Variants in GFI1B observed in about 807,000 individuals in gnomAD.
The protein encoded by GFI1B is zinc finger protein Gfi-1b.
GFI1B carries 20 observed loss-of-function variants against 35.3 expected under a neutral mutation model. The observed-to-expected ratio is 0.57, with a 90% CI of 0.40 to 0.82. The LOEUF (loss-of-function observed/expected upper bound fraction) is 0.82. GFI1B is among the 40% of genes least tolerant of loss of function. The pLI is 0.00. For synonymous variants in GFI1B, 178 were observed against 177.6 expected, an observed-to-expected ratio of 1.00 and a Z score of -0.02; for missense variants, 430 against 446.3, an observed-to-expected ratio of 0.96 and a Z score of 0.33.
rs2073578 is a variant in GFI1B at position 132,987,205 on chromosome 9, A to T, written c.101-77A>T. ...CTCTCTGGGCCTCCTCCTCCTAGGA[A>T]GGGCGTGCCCTCCTTGCTCCCTCTG... On this transcript the variant is annotated intron_variant, in intron 2 of 6. Transcript: ENST00000372122. 28 of 1,467,850 alleles carry T rather than the reference A, an allele frequency of 1.9e-5. 1 individual carries two copies. Among genetic ancestry groups the T allele is most frequent in the East Asian group, 2.4e-5 (1 of 42,346 alleles). 90.9% of individuals were successfully genotyped at this position (1,467,850 alleles called of 1,614,324 possible).
intron 1 of GFI1B, among the ~76,000 whole-genome samples, chr9:132,957,223 A>C (rs146451641): frequency 3.2e-4 from 48 of 152,344 alleles, no homozygotes; most frequent in African/African-American, 1.1e-3. Flanking sequence ...TTAGCACACA[A>C]ACGTGCATGG....
chr9:132,949,342 T>TACACAC (rs367698473), intron 1 of GFI1B, among the ~76,000 whole-genome samples: 68 of 110,560 alleles, frequency 6.2e-4, no homozygotes, highest in African/African-American at 1.2e-3. Context: ...CACACACACA[T>TACACAC]ACACACACAC....
intron 1 of GFI1B, among the ~76,000 whole-genome samples, chr9:132,979,865 C>T (rs973407260): frequency 1.3e-5 from 2 of 152,138 alleles, no homozygotes; most frequent in African/African-American, 4.8e-5. Flanking sequence ...AGAGCTTTCA[C>T]GAGTTCTTAG....
Position 132,981,254 on chromosome 9 carries a change from T to C in GFI1B, c.-21+2413T>C, listed in dbSNP as rs548381999. Among the ~76,000 whole-genome samples, 43 of 152,296 alleles carry C rather than the reference T, an allele frequency of 2.8e-4. No homozygotes were observed. The East Asian group carries it at 6.0e-3, about 21-fold the overall frequency. ...CATGAAACCTGGGTTGCTTCCACTT[T>C]TTGCCTATTGTGAATAGTGCTGCTA... On this transcript the variant is annotated intron_variant, in intron 1 of 6. Coordinates refer to ENST00000372122, the MANE Select transcript of GFI1B (RefSeq NM_001377304.1).
At chr9:132,992,997 TA>T (rs35365824), downstream of GFI1B, among the ~76,000 whole-genome samples, 5 of 149,968 alleles carry the variant, frequency 3.3e-5, no homozygotes, top group African/African-American at 4.9e-5. Context: ...AGGTCAAACA[TA>T]AAAAAAAAAC....
chr9:132,955,074 T>C (rs1467612416), intron 1 of GFI1B, among the ~76,000 whole-genome samples: 2 of 152,146 alleles, frequency 1.3e-5, no homozygotes, highest in African/African-American at 2.4e-5. Context: ...TGCCCACATA[T>C]TTACCATTGC....
chr9:132,963,252 C>T (rs992774334), intron 1 of GFI1B, among the ~76,000 whole-genome samples: 5 of 151,580 alleles, frequency 3.3e-5, no homozygotes, highest in African/African-American at 4.8e-5. Context: ...GAGGCTGAGG[C>T]GGGCAGATCA....
chr9:132,971,734 G>A (rs1848534049), intron 1 of GFI1B, among the ~76,000 whole-genome samples: 1 of 152,166 alleles, frequency 6.6e-6, no homozygotes, highest in East Asian at 1.9e-4. Context: ...AGCACTTTGG[G>A]AGGCTGAGGC....
At chr9:132,982,127 C>T (rs1848847744) in intron 1 of GFI1B, among the ~76,000 whole-genome samples, 1 of 152,216 alleles carries the variant, frequency 6.6e-6, no homozygotes, top group African/African-American at 2.4e-5. Context: ...CTGAGTCTTA[C>T]CCAACCCTCC....
At chr9:132,959,380 C>T (rs979850011) in intron 1 of GFI1B, among the ~76,000 whole-genome samples, 3 of 152,158 alleles carry the variant, frequency 2.0e-5, no homozygotes, top group African/African-American at 7.2e-5. Flanking sequence ...TCCTGAGGCC[C>T]TCCCAGCCCT....
rs368151614 is a variant in GFI1B at position 132,989,828 on chromosome 9, G to A, written c.735G>A (p.Thr245=). 35 of 1,614,052 alleles carry A rather than the reference G, an allele frequency of 2.2e-5. No homozygotes were observed. The highest frequency in any genetic ancestry group is 2.6e-5 in the Non-Finnish European group (31 of 1,179,998). Residue 245 remains threonine (T), a synonymous_variant, in exon 6 of 7, where the codon ACG becomes ACA. Coordinates refer to ENST00000372122, the MANE Select transcript of GFI1B (RefSeq NM_001377304.1). This position sits in a 1 kb window ranked among gnomAD's most constrained non-coding sequence, Gnocchi z 6.2. Reference sequence around the variant, plus strand: ...CCCACCTGCTCATCCACTCAGACACGCGGCCCTACCCCTGCCAGTTCTGCG... The same window carrying A: ...CCCACCTGCTCATCCACTCAGACACACGGCCCTACCCCTGCCAGTTCTGCG... ...LSTHLLIHSD[T]RPYPCQFCGK...
intron 1 of GFI1B, among the ~76,000 whole-genome samples, chr9:132,949,304 C>CACAT (rs1848165834): frequency 7.7e-6 from 1 of 129,568 alleles, no homozygotes; most frequent in African/African-American, 2.9e-5. Context: ...CACACACACA[C>CACAT]ATCAAGCCAA....
chr9:132,970,289 C>T (rs1848513623), intron 1 of GFI1B, among the ~76,000 whole-genome samples: 1 of 152,154 alleles, frequency 6.6e-6, no homozygotes, highest in Non-Finnish European at 1.5e-5. Flanking sequence ...CCATCAGTAG[C>T]CACAGCAAGC....
At chr9:132,956,436 G>A (rs980946608) in intron 1 of GFI1B, among the ~76,000 whole-genome samples, 2 of 152,178 alleles carry the variant, frequency 1.3e-5, no homozygotes, top group Non-Finnish European at 2.9e-5. Context: ...GGATATGAAT[G>A]TTGGCAAAAG....
chr9:132,981,000 A>G (rs1308171174), intron 1 of GFI1B, among the ~76,000 whole-genome samples: 2 of 152,066 alleles, frequency 1.3e-5, no homozygotes, highest in African/African-American at 4.8e-5. Context: ...GGTTCAAGCG[A>G]TTCTCCTGCC....
At chr9:132,962,032 T>C (rs890568002) in intron 1 of GFI1B, among the ~76,000 whole-genome samples, 3 of 151,508 alleles carry the variant, frequency 2.0e-5, no homozygotes, top group Non-Finnish European at 4.4e-5. Flanking sequence ...GTGCATTCTT[T>C]CTTTGCTATG....
intron 1 of GFI1B, among the ~76,000 whole-genome samples, chr9:132,982,005 G>A (rs1194557629): frequency 6.6e-6 from 1 of 152,154 alleles, no homozygotes; most frequent in Non-Finnish European, 1.5e-5. Context: ...CGCCTGCCTT[G>A]GCCTCCCAAA....
intron 1 of GFI1B, among the ~76,000 whole-genome samples, chr9:132,948,321 A>ACT (rs973620026): frequency 6.6e-6 from 1 of 152,152 alleles, no homozygotes; most frequent in African/African-American, 2.4e-5. Context: ...AGTGAAAGAG[A>ACT]CAGAGATGGA....
At chr9:132,967,806 G>A (rs746142828) in intron 1 of GFI1B, among the ~76,000 whole-genome samples, 2 of 151,948 alleles carry the variant, frequency 1.3e-5, no homozygotes, top group Non-Finnish European at 2.9e-5. Context: ...TTCTCAGATG[G>A]ACTCTTGCTC....
Sources: gnomAD v4.1 joint callset for allele counts (sites outside exome capture counted in the v4.1 genomes callset) on GRCh38, gnomAD v4.1.1 for gene constraint, Gnocchi (gnomAD v3.1) non-coding constraint, MANE v1.5 for transcripts, NCBI Gene and HGNC (gene_info 2026-07-23, HGNC 2026-07-21) for gene names.